The following TENM2 variants were observed in gnomAD, a reference collection of about 807,000 sequenced individuals.
TENM2 encodes teneurin-2.
TENM2 carries 52 observed loss-of-function variants against 245.2 expected under a neutral mutation model. The observed-to-expected ratio is 0.21, with a 90% CI of 0.17 to 0.27. The LOEUF is 0.27. Ranked by LOEUF, TENM2 falls within the 10% of genes least tolerant of loss-of-function variation. The probability of loss-of-function intolerance (pLI) is 1.00; values close to 1 mark genes in which losing one functional copy is unlikely to be tolerated. For missense variants in TENM2, 3,046 were observed against 3,666.8 expected (o/e 0.83, Z 4.37); for synonymous variants, 1,363 against 1,438.9 (o/e 0.95, Z 1.19).
chr5:168,095,256 T>C (rs1178769523), intron 8 of TENM2, among the ~76,000 whole-genome samples: 1 of 152,152 alleles, frequency 6.6e-6, no homozygotes, highest in Non-Finnish European at 1.5e-5. Context: ...CTGGTCTACA[T>C]GTCCCTGGAT....
the TENM2 span, among the ~76,000 whole-genome samples, chr5:167,032,488 A>C: frequency 3.8e-3 from 586 of 152,330 alleles, 3 homozygotes; most frequent in African/African-American, 0.013. Context: ...GTGTTTTATT[A>C]GCTAGCACTT....
intron 2 of TENM2, among the ~76,000 whole-genome samples, chr5:167,609,935 A>T (rs1777360432): frequency 2.0e-5 from 3 of 152,026 alleles, no homozygotes; most frequent in Admixed American, 2.0e-4. Context: ...TAGATCCCAC[A>T]GGTTAAGGGC....
intron 7 of TENM2, among the ~76,000 whole-genome samples, chr5:168,088,630 A>C (rs1471022387): frequency 6.6e-6 from 1 of 152,146 alleles, no homozygotes. Context: ...GCATTATCTC[A>C]TGTCATCCTT....
Position 168,094,525 on chromosome 5 carries a change from C to T in TENM2, c.1712-3501C>T, listed in dbSNP as rs1013651816. ...TCTGTTTAAATGTTTCATTTGTACCCAGAAGTTCCAGAATAGAACCCAAGT... is the reference window on the plus strand; with the variant it reads ...TCTGTTTAAATGTTTCATTTGTACCTAGAAGTTCCAGAATAGAACCCAAGT... On this transcript the variant is annotated intron_variant, in intron 8 of 28. Transcript: ENST00000518659. 2.6e-5 allele frequency among the ~76,000 whole-genome samples: 4 copies of T among 152,014 alleles called. No homozygotes were observed. In the East Asian group the frequency reaches 5.8e-4, roughly 22 times the overall value.
chr5:167,353,500 GTTTTTT>G (rs59240930), intron 1 of TENM2, among the ~76,000 whole-genome samples: 68 of 79,452 alleles, frequency 8.6e-4, no homozygotes, highest in African/African-American at 3.3e-3. Context: ...TGTTGTTGTT[GTTTTTT>G]TTTTTTTTTT....
the TENM2 span, among the ~76,000 whole-genome samples, chr5:167,092,178 A>G: frequency 6.6e-6 from 1 of 152,178 alleles, no homozygotes; most frequent in East Asian, 1.9e-4. Context: ...GTTGAAAAAA[A>G]TCTAAAGAAG....
At chr5:167,772,577 C>G (rs1763471681) in intron 2 of TENM2, among the ~76,000 whole-genome samples, 1 of 151,942 alleles carries the variant, frequency 6.6e-6, no homozygotes, top group Non-Finnish European at 1.5e-5. Flanking sequence ...AATTACATAC[C>G]AGGCCCGACA....
intron 5 of TENM2, among the ~76,000 whole-genome samples, chr5:168,020,429 A>G (rs1326191128): frequency 6.6e-6 from 1 of 152,150 alleles, no homozygotes; most frequent in Non-Finnish European, 1.5e-5. Context: ...TTGGCCCAAC[A>G]TGCTCCTGCA....
At chr5:167,146,988 C>T in the TENM2 span, among the ~76,000 whole-genome samples, 1 of 152,064 alleles carries the variant, frequency 6.6e-6, no homozygotes, top group Admixed American at 6.6e-5. Context: ...AGTGATAGAA[C>T]GTTTGAATTT....
intron 5 of TENM2, among the ~76,000 whole-genome samples, chr5:168,023,999 A>G (rs1376552159): frequency 6.6e-6 from 1 of 152,240 alleles, no homozygotes; most frequent in African/African-American, 2.4e-5. Flanking sequence ...AGATATTTAT[A>G]CACATATATA....
At chr5:167,245,677 A>G in the TENM2 span, among the ~76,000 whole-genome samples, 1 of 152,214 alleles carries the variant, frequency 6.6e-6, no homozygotes, top group Admixed American at 6.5e-5. Flanking sequence ...GAAATGCTGA[A>G]TGATCATTAA....
intron 2 of TENM2, among the ~76,000 whole-genome samples, chr5:167,862,978 C>T (rs1483455478): frequency 6.6e-6 from 1 of 152,224 alleles, no homozygotes; most frequent in Non-Finnish European, 1.5e-5. Context: ...TAAAATTACT[C>T]TTCTCTGTTT....
intron 1 of TENM2, among the ~76,000 whole-genome samples, chr5:167,308,742 G>A (rs1425717460): frequency 6.6e-6 from 1 of 152,170 alleles, no homozygotes; most frequent in Non-Finnish European, 1.5e-5. Flanking sequence ...TATGCTGTCG[G>A]GCTCTGCTCG....
At chr5:167,095,541 G>A in the TENM2 span, among the ~76,000 whole-genome samples, 1 of 151,958 alleles carries the variant, frequency 6.6e-6, no homozygotes. Flanking sequence ...TGTATACCAC[G>A]GAACCCCTGG....
At chr5:167,693,421 A>G (rs951999231) in intron 2 of TENM2, among the ~76,000 whole-genome samples, 2 of 152,214 alleles carry the variant, frequency 1.3e-5, no homozygotes, top group Non-Finnish European at 2.9e-5. Flanking sequence ...ATAGAGTTAC[A>G]TAATTTTCCT....
Position 167,968,920 on chromosome 5 carries a change from G to C in TENM2, c.947+16098G>C, listed in dbSNP as rs1044167876. On this transcript the variant is annotated intron_variant, in intron 4 of 28. Transcript: ENST00000518659. ...GTGCTATGCACATGTGCATTTTCTG[G>C]ATGTTCTTGTACTCAGTCATCTTTT... 7.9e-5 allele frequency among the ~76,000 whole-genome samples: 12 copies of C among 152,156 alleles called. 1 individual carries two copies. The highest frequency in any genetic ancestry group is 7.2e-4 in the Admixed American group (11 of 15,274).
chr5:168,206,667 A>G (rs1404920307), intron 19 of TENM2, among the ~76,000 whole-genome samples: 3 of 152,148 alleles, frequency 2.0e-5, no homozygotes, highest in East Asian at 3.9e-4. Context: ...GCCCATCCAT[A>G]TAGATTCCCT....
intron 4 of TENM2, among the ~76,000 whole-genome samples, chr5:167,979,226 C>T (rs1446347181): frequency 6.6e-6 from 1 of 152,010 alleles, no homozygotes; most frequent in Non-Finnish European, 1.5e-5. Context: ...AAAGAGAATG[C>T]TAAATGGATT....
the TENM2 span, among the ~76,000 whole-genome samples, chr5:167,108,498 C>T: frequency 6.6e-6 from 1 of 152,180 alleles, no homozygotes; most frequent in Non-Finnish European, 1.5e-5. Context: ...TTGCACTGTG[C>T]TACAAGCCCT....
Sources: allele counts gnomAD v4.1 joint callset (sites outside exome capture counted in the v4.1 genomes callset), GRCh38; gene constraint gnomAD v4.1.1; transcripts MANE v1.5; gene names NCBI Gene and HGNC (gene_info 2026-07-23, HGNC 2026-07-21).